Variants in ULK4 observed in about 807,000 individuals in gnomAD.
ULK4 encodes unc-51 like kinase 4.
A neutral mutation model predicts 160.6 loss-of-function variants in ULK4; 133 were observed. The ratio of observed to expected loss-of-function variants is 0.83; its 90% CI spans 0.72 to 0.96. The LOEUF is 0.96. Among genes scored for constraint, ULK4 ranks in the 40% least tolerant of loss-of-function variants. The pLI, the probability that ULK4 is intolerant of heterozygous loss-of-function variation, is 0.00. For missense variants in ULK4, 1,580 were observed against 1,499.5 expected (o/e 1.05, Z -0.89); for synonymous variants, 534 against 539.8 (o/e 0.99, Z 0.15).
chr3:41,463,955 T>G (rs1455546225), intron 32 of ULK4, among the ~76,000 whole-genome samples: 3 of 150,320 alleles, frequency 2.0e-5, no homozygotes, highest in African/African-American at 7.4e-5. Context: ...GTTATAAACC[T>G]AAATGATGAA....
chr3:41,353,354 GA>G (rs1419035391), intron 35 of ULK4, among the ~76,000 whole-genome samples: 1 of 152,144 alleles, frequency 6.6e-6, no homozygotes, highest in Non-Finnish European at 1.5e-5. Flanking sequence ...TGGAGCAGTA[GA>G]ACGTTAACAT....
At chr3:41,653,087 T>C (rs1003670502) in intron 30 of ULK4, among the ~76,000 whole-genome samples, 2 of 152,064 alleles carry the variant, frequency 1.3e-5, no homozygotes, top group African/African-American at 4.8e-5. Flanking sequence ...AGCTAATTCC[T>C]AGAGACAGCA....
intron 30 of ULK4, among the ~76,000 whole-genome samples, chr3:41,655,940 G>C (rs2034921199): frequency 6.6e-6 from 1 of 152,168 alleles, no homozygotes; most frequent in South Asian, 2.1e-4. Context: ...ATAATAAATT[G>C]AAAGGCAAGC....
rs1421187137 is a variant in ULK4 at position 41,666,995 on chromosome 3, T to A, written c.2979-3296A>T. 6.6e-5 allele frequency among the ~76,000 whole-genome samples: 10 copies of A among 151,344 alleles called. No individual in the cohort carries two copies. The South Asian group carries it at 8.3e-4, about 13-fold the overall frequency. On this transcript the variant is annotated intron_variant, in intron 29 of 36. Transcript: ENST00000301831. ...CTGTCTATAAAAAAAGAAAAAAAAA[T>A]TATTTTTAAATAATTGGGTGCAAGG...
intron 34 of ULK4, among the ~76,000 whole-genome samples, chr3:41,413,120 AGAG>A (rs1480467619): frequency 6.6e-6 from 1 of 152,186 alleles, no homozygotes; most frequent in African/African-American, 2.4e-5. Flanking sequence ...GCAGCAGACA[AGAG>A]AAGAATGACA....
At chr3:41,531,489 AGG>A in intron 32 of ULK4, among the ~76,000 whole-genome samples, 2 of 146,146 alleles carry the variant, frequency 1.4e-5, no homozygotes, top group African/African-American at 5.2e-5. Context: ...GGGAGAGGAG[AGG>A]AGAGAAGAAG....
chr3:41,537,709 TTC>T (rs1192161112), intron 32 of ULK4, among the ~76,000 whole-genome samples: 3 of 152,212 alleles, frequency 2.0e-5, no homozygotes, highest in Non-Finnish European at 4.4e-5. Flanking sequence ...AGAAAAAGTG[TTC>T]TCATTGTCCA....
chr3:41,887,639 G>T (rs1239340252), intron 16 of ULK4, among the ~76,000 whole-genome samples: 1 of 152,138 alleles, frequency 6.6e-6, no homozygotes, highest in Non-Finnish European at 1.5e-5. Flanking sequence ...GGCCAACATG[G>T]TGAAACCCCA....
chr3:41,918,665 A>T lies in ULK4; in HGVS notation c.644-125T>A, dbSNP rs1044755509. On this transcript the variant is annotated intron_variant, in intron 6 of 36. Coordinates refer to ENST00000301831, the MANE Select transcript of ULK4 (RefSeq NM_017886.4). ...CACCCAGGCTGGAGTGCAGTGGCGC[A>T]ATCTCGGCTCACTGCACACTCCGCC... 1.2e-5 allele frequency: 6 copies of T among 484,974 alleles called. No homozygotes were observed. In the South Asian group the frequency reaches 1.7e-4, roughly 14 times the overall value. 30.0% of individuals were successfully genotyped at this position (484,974 alleles called of 1,614,324 possible).
intron 32 of ULK4, among the ~76,000 whole-genome samples, chr3:41,537,857 T>A (rs889856702): frequency 4.4e-4 from 67 of 151,708 alleles, no homozygotes; most frequent in African/African-American, 1.5e-3. Context: ...AGTTAGCCTA[T>A]CCCTTCCTGC....
chr3:41,574,369 C>A (rs1340958682), intron 31 of ULK4, among the ~76,000 whole-genome samples: 1 of 151,918 alleles, frequency 6.6e-6, no homozygotes, highest in Non-Finnish European at 1.5e-5. Context: ...TAGTCAGCCA[C>A]AAAGTACCCT....
Position 41,942,534 on chromosome 3 carries a change from T to C in ULK4, c.139-4337A>G, listed in dbSNP as rs148209087. 6.8e-3 allele frequency among the ~76,000 whole-genome samples: 1,027 copies of C among 150,822 alleles called. 9 individuals are homozygous for C. The highest frequency in any genetic ancestry group is 0.024 in the African/African-American group (988 of 40,946). On this transcript the variant is annotated intron_variant, in intron 2 of 36. Coordinates refer to ENST00000301831, the MANE Select transcript of ULK4 (RefSeq NM_017886.4). ...ACTTCATCTCAAAAAAATAAATAAA[T>C]AGGCCGGGCGCGGTGGCTCACGCCT...
At chr3:41,441,608 G>A (rs143590862) in intron 34 of ULK4, among the ~76,000 whole-genome samples, 338 of 151,682 alleles carry the variant, frequency 2.2e-3, no homozygotes, top group African/African-American at 7.6e-3. Flanking sequence ...TTGTTTTATC[G>A]TGCAAAATAT....
At chr3:41,960,299 T>G (rs1304512752) in intron 1 of ULK4, among the ~76,000 whole-genome samples, 1 of 152,216 alleles carries the variant, frequency 6.6e-6, no homozygotes, top group Non-Finnish European at 1.5e-5. Flanking sequence ...GGTGGTTTGT[T>G]ACTTTCAAGC....
intron 34 of ULK4, among the ~76,000 whole-genome samples, chr3:41,439,792 T>C (rs1047848522): frequency 6.6e-6 from 1 of 152,190 alleles, no homozygotes; most frequent in Non-Finnish European, 1.5e-5. Context: ...TGGGACCACA[T>C]TGAGTTTACA....
chr3:41,523,633 T>A lies in ULK4; in HGVS notation c.3226+42392A>T, dbSNP rs186611030. On this transcript the variant is annotated intron_variant, in intron 32 of 36. Coordinates refer to ENST00000301831, the MANE Select transcript of ULK4 (RefSeq NM_017886.4). ...CACAATTGAAAAGACAGATAATAAG[T>A]TTAGGAGAAGGTATGGAGAAACTGG... is the stretch of plus-strand genomic sequence containing the variant. Among the ~76,000 whole-genome samples the A allele has an allele frequency of 5.9e-5, 9 of 152,166 alleles. No individual in the cohort carries two copies. The East Asian group carries it at 1.5e-3, about 26-fold the overall frequency.
chr3:41,376,459 G>C (rs1184189442), intron 35 of ULK4, among the ~76,000 whole-genome samples: 1 of 150,136 alleles, frequency 6.7e-6, no homozygotes, highest in Non-Finnish European at 1.5e-5. Context: ...CGACATGATT[G>C]TATATCTAGA....
intron 16 of ULK4, among the ~76,000 whole-genome samples, chr3:41,884,904 A>G (rs1194626022): frequency 1.3e-5 from 2 of 152,236 alleles, no homozygotes; most frequent in Non-Finnish European, 1.5e-5. Context: ...GAATAAAAAG[A>G]TTATACTTTA....
At chr3:41,837,626 C>G (rs1575801767) in intron 17 of ULK4, among the ~76,000 whole-genome samples, 2 of 151,654 alleles carry the variant, frequency 1.3e-5, no homozygotes, top group East Asian at 1.9e-4. Flanking sequence ...TGCAGTCGCA[C>G]GATCTCAGCT....
Sources: gnomAD v4.1 joint callset for allele counts (sites outside exome capture counted in the v4.1 genomes callset) on GRCh38, gnomAD v4.1.1 for gene constraint, MANE v1.5 for transcripts, NCBI Gene and HGNC (gene_info 2026-07-23, HGNC 2026-07-21) for gene names.